LCORL: variants seen among roughly 807,000 people sequenced by gnomAD.
LCORL encodes ligand dependent nuclear receptor corepressor like.
In LCORL, 41 loss-of-function variants were observed where a neutral mutation model predicts 141.8. The ratio of observed to expected loss-of-function variants is 0.29; its 90% CI spans 0.23 to 0.38. The LOEUF is 0.38. Among genes scored for constraint, LCORL ranks in the 10% least tolerant of loss-of-function variants. The pLI is 1.00. For missense variants in LCORL, 1,759 were observed against 2,035.0 expected (o/e 0.86, Z 2.61); for synonymous variants, 618 against 694.1 (o/e 0.89, Z 1.72).
At chr4:17,842,350 GT>G (rs757441201) in exon 8 of LCORL, 1 of 1,612,204 alleles carries the variant, frequency 6.2e-7, no homozygotes, top group South Asian at 1.1e-5. Context: ...CGAACAGGAG[GT>G]GTCAGACTGC....
chr4:17,987,081 A>C (rs1719105308), intron 1 of LCORL, among the ~76,000 whole-genome samples: 1 of 152,134 alleles, frequency 6.6e-6, no homozygotes, highest in African/African-American at 2.4e-5. Context: ...AATATAGTGG[A>C]ATTAATTTTC....
At chr4:17,911,463 C>T (rs975652007) in intron 4 of LCORL, among the ~76,000 whole-genome samples, 4 of 152,148 alleles carry the variant, frequency 2.6e-5, no homozygotes, top group Non-Finnish European at 5.9e-5. Flanking sequence ...TGAAAACATC[C>T]AGTATCAGTG....
At position 17,999,479 on chromosome 4, in the gene LCORL, C is replaced by T. The variant is rs535213459; in HGVS notation, c.154+22119G>A. 6.6e-5 allele frequency among the ~76,000 whole-genome samples: 10 copies of T among 151,702 alleles called. No individual in the cohort carries two copies. The South Asian group carries it at 1.5e-3, about 22-fold the overall frequency. On this transcript the variant is annotated intron_variant, in intron 1 of 7. Coordinates refer to ENST00000635767, the Ensembl canonical transcript of LCORL. Reference sequence around the variant, plus strand: ...AAAAAAAAAAAAAAGAACAGGATGTCGAAGACATCACTAGGTGATAGGAAC... The same window carrying T: ...AAAAAAAAAAAAAAGAACAGGATGTTGAAGACATCACTAGGTGATAGGAAC...
At chr4:17,973,225 C>T (rs923838256) in intron 1 of LCORL, among the ~76,000 whole-genome samples, 5 of 151,756 alleles carry the variant, frequency 3.3e-5, no homozygotes, top group African/African-American at 7.2e-5. Context: ...TTAGAAGACA[C>T]ATAATTGTTT....
chr4:17,975,587 G>A (rs1353459842), intron 1 of LCORL, among the ~76,000 whole-genome samples: 2 of 152,006 alleles, frequency 1.3e-5, no homozygotes, highest in African/African-American at 2.4e-5. Context: ...GTAGAGATGA[G>A]GTTTCACCAT....
At chr4:18,019,749 T>C (rs1725191331) in intron 1 of LCORL, among the ~76,000 whole-genome samples, 13 of 152,162 alleles carry the variant, frequency 8.5e-5, no homozygotes, top group Admixed American at 8.5e-4. Context: ...ACTTTGTGCC[T>C]TGACAAAACT....
exon 7 of LCORL, chr4:17,873,920 CTTAAAT>C (rs1726641830): frequency 1.6e-6 from 2 of 1,233,992 alleles, no homozygotes; most frequent in South Asian, 8.2e-5. Flanking sequence ...TTGCTTCTGA[CTTAAAT>C]TTATTCTCAA....
intron 7 of LCORL, among the ~76,000 whole-genome samples, chr4:17,860,285 A>G (rs1025817643): frequency 8.5e-5 from 13 of 152,222 alleles, no homozygotes; most frequent in Non-Finnish European, 1.5e-5. Context: ...TTTACAAAGG[A>G]AAGAGGCTTA....
At chr4:17,874,732 T>C in exon 7 of LCORL, 1 of 1,233,994 alleles carries the variant, frequency 8.1e-7, no homozygotes, top group Non-Finnish European at 1.0e-6. Flanking sequence ...AGCAAAGGGT[T>C]TGATGAAATT....
At chr4:17,936,669 C>T (rs1157508332) in intron 4 of LCORL, among the ~76,000 whole-genome samples, 1 of 152,138 alleles carries the variant, frequency 6.6e-6, no homozygotes, top group Non-Finnish European at 1.5e-5. Context: ...TTTATGTGAA[C>T]TTATTTAATT....
chr4:17,860,229 A>T (rs1308184628), intron 7 of LCORL, among the ~76,000 whole-genome samples: 1 of 152,206 alleles, frequency 6.6e-6, no homozygotes, highest in Non-Finnish European at 1.5e-5. Flanking sequence ...CTACTGTATT[A>T]GTCCATTTTC....
chr4:17,892,294 CA>C (rs1351934511), intron 5 of LCORL, among the ~76,000 whole-genome samples: 1 of 151,340 alleles, frequency 6.6e-6, no homozygotes, highest in African/African-American at 2.4e-5. Context: ...CTGCAACCTC[CA>C]CCTCCTGGGT....
exon 7 of LCORL, chr4:17,873,518 A>T: frequency 1.6e-6 from 2 of 1,233,982 alleles, no homozygotes; most frequent in Non-Finnish European, 2.0e-6. Flanking sequence ...GAACTTCAAA[A>T]CTATCAGGAT....
At chr4:17,862,815 C>A (rs948842288) in intron 7 of LCORL, among the ~76,000 whole-genome samples, 5 of 151,962 alleles carry the variant, frequency 3.3e-5, no homozygotes, top group South Asian at 2.1e-4. Context: ...CAGGCCCTGG[C>A]AAAGATGTCA....
At chr4:18,010,760 T>C (rs1378793033) in intron 1 of LCORL, among the ~76,000 whole-genome samples, 2 of 152,156 alleles carry the variant, frequency 1.3e-5, no homozygotes, top group African/African-American at 4.8e-5. Flanking sequence ...CCATAACATA[T>C]TTTTTAAAAT....
chr4:17,972,820 C>T, exon 2 of LCORL: 1 of 1,412,884 alleles, frequency 7.1e-7, no homozygotes, highest in Non-Finnish European at 9.3e-7. Flanking sequence ...TAAAAATTAC[C>T]TTCAAATAAA....
At chr4:17,859,646 G>A (rs1168624632) in intron 7 of LCORL, among the ~76,000 whole-genome samples, 3 of 152,084 alleles carry the variant, frequency 2.0e-5, no homozygotes, top group East Asian at 1.9e-4. Flanking sequence ...AATGATAACT[G>A]TGTAAAGAAA....
At chr4:17,853,147 A>G (rs1723969221) in intron 7 of LCORL, among the ~76,000 whole-genome samples, 1 of 151,574 alleles carries the variant, frequency 6.6e-6, no homozygotes, top group African/African-American at 2.4e-5. Flanking sequence ...AAGCCACATA[A>G]CTAGTAAATG....
chr4:18,006,709 A>G (rs1431984935), intron 1 of LCORL, among the ~76,000 whole-genome samples: 1 of 152,132 alleles, frequency 6.6e-6, no homozygotes, highest in African/African-American at 2.4e-5. Flanking sequence ...CTCATTCACC[A>G]TCACAAGAAC....
Sources: allele counts gnomAD v4.1 joint callset (sites outside exome capture counted in the v4.1 genomes callset), GRCh38; gene constraint gnomAD v4.1.1; transcripts MANE v1.5; gene names NCBI Gene and HGNC (gene_info 2026-07-23, HGNC 2026-07-21).